The following CACNA2D3 variants were observed in gnomAD, a reference collection of about 807,000 sequenced individuals.
CACNA2D3 encodes the protein calcium voltage-gated channel auxiliary subunit alpha2delta 3.
A neutral mutation model predicts 160.6 loss-of-function variants in CACNA2D3; 60 were observed. The observed-to-expected ratio is 0.37, with a 90% CI of 0.30 to 0.46. CACNA2D3 has a LOEUF of 0.46. CACNA2D3 is among the 20% of genes least tolerant of loss of function. The pLI is 1.00. For synonymous variants in CACNA2D3, 558 were observed against 492.9 expected (o/e 1.13, Z -1.75); for missense variants, 1,205 against 1,365.0 (o/e 0.88, Z 1.85).
intron 2 of CACNA2D3, among the ~76,000 whole-genome samples, chr3:54,202,227 A>G (rs1171284839): frequency 6.6e-6 from 1 of 152,168 alleles, no homozygotes; most frequent in African/African-American, 2.4e-5. Flanking sequence ...TGCAGAAGGG[A>G]CCTGGGACCA....
chr3:54,875,966 G>A (rs1321033100), intron 18 of CACNA2D3, among the ~76,000 whole-genome samples: 1 of 152,318 alleles, frequency 6.6e-6, no homozygotes, highest in East Asian at 1.9e-4. Context: ...GTATGCCACT[G>A]ATGTTTTAAT....
intron 27 of CACNA2D3, among the ~76,000 whole-genome samples, chr3:54,916,483 A>G (rs1700661840): frequency 6.6e-6 from 1 of 152,140 alleles, no homozygotes; most frequent in African/African-American, 2.4e-5. Context: ...CTACAATTTA[A>G]GGTATTTCAG....
intron 11 of CACNA2D3, among the ~76,000 whole-genome samples, chr3:54,666,100 A>G (rs1055516515): frequency 6.6e-6 from 1 of 152,220 alleles, no homozygotes; most frequent in African/African-American, 2.4e-5. Flanking sequence ...TAGATATATT[A>G]TCCAGTATTT....
intron 9 of CACNA2D3, among the ~76,000 whole-genome samples, chr3:54,625,773 G>T (rs553801851): frequency 6.6e-6 from 1 of 152,176 alleles, no homozygotes; most frequent in Non-Finnish European, 1.5e-5. Flanking sequence ...ATGACTGGGG[G>T]CTCCTACTGC....
intron 2 of CACNA2D3, among the ~76,000 whole-genome samples, chr3:54,217,280 G>A (rs866673226): frequency 4.2e-4 from 64 of 152,224 alleles, no homozygotes; most frequent in Middle Eastern, 3.4e-3. Context: ...AGCCTCTGCC[G>A]CCTCCTCCTC....
intron 4 of CACNA2D3, among the ~76,000 whole-genome samples, chr3:54,400,803 T>C (rs1016565043): frequency 6.6e-6 from 1 of 152,110 alleles, no homozygotes; most frequent in Non-Finnish European, 1.5e-5. Flanking sequence ...TTTCACCAGA[T>C]GTGCAGACAT....
chr3:54,994,505 A>C (rs1702813951), intron 31 of CACNA2D3, among the ~76,000 whole-genome samples: 1 of 152,188 alleles, frequency 6.6e-6, no homozygotes, highest in Non-Finnish European at 1.5e-5. Context: ...TCTGGAAGGC[A>C]GAGACATGGA....
chr3:55,017,973 T>G (rs548264083), intron 34 of CACNA2D3, among the ~76,000 whole-genome samples: 1 of 152,202 alleles, frequency 6.6e-6, no homozygotes. Flanking sequence ...ATTCTTGTGA[T>G]GCATAAATGA....
intron 14 of CACNA2D3, among the ~76,000 whole-genome samples, chr3:54,832,390 G>A (rs190296471): frequency 2.7e-4 from 41 of 152,252 alleles, no homozygotes; most frequent in African/African-American, 9.4e-4. Context: ...GTGGTTGGAC[G>A]GGGTGAAGAG....
At chr3:54,678,720 C>CAAAAAAAGA (rs1700287378) in intron 11 of CACNA2D3, among the ~76,000 whole-genome samples, 1 of 45,902 alleles carries the variant, frequency 2.2e-5, no homozygotes, top group Non-Finnish European at 3.5e-5. Context: ...GACTCGGTCT[C>CAAAAAAAGA]AAAAAAAAAA....
At chr3:54,412,129 T>C (rs909185240) in intron 4 of CACNA2D3, among the ~76,000 whole-genome samples, 3 of 152,306 alleles carry the variant, frequency 2.0e-5, no homozygotes, top group African/African-American at 7.2e-5. Context: ...GTTTCTTTTA[T>C]TGATCATAAT....
At chr3:54,664,083 G>T (rs1446691282) in intron 11 of CACNA2D3, among the ~76,000 whole-genome samples, 1 of 152,236 alleles carries the variant, frequency 6.6e-6, no homozygotes, top group Admixed American at 6.5e-5. Flanking sequence ...AACTCCAGCT[G>T]TGCTGAGCCG....
chr3:54,582,883 A>G (rs552146871), intron 9 of CACNA2D3, among the ~76,000 whole-genome samples: 1 of 152,344 alleles, frequency 6.6e-6, no homozygotes, highest in Admixed American at 6.5e-5. Context: ...GTTGGAACAC[A>G]AAGTATAAAG....
At chr3:54,706,411 T>C (rs980222064) in intron 11 of CACNA2D3, among the ~76,000 whole-genome samples, 5 of 152,232 alleles carry the variant, frequency 3.3e-5, no homozygotes, top group Non-Finnish European at 7.3e-5. Flanking sequence ...CCTAGGGTTA[T>C]GCCTCAGTCA....
chr3:54,393,467 A>G (rs188448074), intron 4 of CACNA2D3, among the ~76,000 whole-genome samples: 156 of 152,248 alleles, frequency 1.0e-3, no homozygotes, highest in African/African-American at 3.3e-3. Context: ...CTTTGTTGCC[A>G]CTGAACCACC....
chr3:55,021,715 G>GTATATATA (rs369889600), intron 35 of CACNA2D3, among the ~76,000 whole-genome samples: 29 of 141,414 alleles, frequency 2.1e-4, no homozygotes, highest in African/African-American at 6.9e-4. Flanking sequence ...ATATGTGTGT[G>GTATATATA]TATATATATA....
chr3:54,539,663 A>G (rs1436913811), intron 5 of CACNA2D3, among the ~76,000 whole-genome samples: 1 of 152,206 alleles, frequency 6.6e-6, no homozygotes, highest in Non-Finnish European at 1.5e-5. Flanking sequence ...TATGTTCTGA[A>G]TAGTCATCTC....
intron 12 of CACNA2D3, among the ~76,000 whole-genome samples, chr3:54,756,185 C>G (rs1355883558): frequency 6.6e-6 from 1 of 152,136 alleles, no homozygotes; most frequent in Non-Finnish European, 1.5e-5. Context: ...AATTCTCCTT[C>G]CCTTCCTGTC....
At chr3:54,449,158 G>A (rs190497863) in intron 4 of CACNA2D3, among the ~76,000 whole-genome samples, 6 of 152,286 alleles carry the variant, frequency 3.9e-5, no homozygotes, top group East Asian at 3.9e-4. Context: ...GAATCAATAC[G>A]TGTTCTGCTA....
Sources: gnomAD v4.1 joint callset for allele counts (sites outside exome capture counted in the v4.1 genomes callset) on GRCh38, gnomAD v4.1.1 for gene constraint, MANE v1.5 for transcripts, NCBI Gene and HGNC (gene_info 2026-07-23, HGNC 2026-07-21) for gene names.